Variants in WDR59 observed in about 807,000 individuals in gnomAD.
WDR59 encodes WD repeat domain 59.
In WDR59, 100 loss-of-function variants were observed where a neutral mutation model predicts 131.2. The observed-to-expected ratio is 0.76, with a 90% CI of 0.65 to 0.90. The LOEUF is 0.90. Among genes scored for constraint, WDR59 ranks in the 40% least tolerant of loss-of-function variants. The probability of loss-of-function intolerance (pLI) is 0.00; values close to 1 mark genes in which losing one functional copy is unlikely to be tolerated. For missense variants in WDR59, 1,203 were observed against 1,262.2 expected (o/e 0.95, Z 0.71); for synonymous variants, 601 against 466.2 (o/e 1.29, Z -3.72).
chr16:74,903,277 G>C (rs528934478), intron 18 of WDR59, among the ~76,000 whole-genome samples: 1 of 152,340 alleles, frequency 6.6e-6, no homozygotes, highest in South Asian at 2.1e-4. Flanking sequence ...ATGTCAGCTA[G>C]AAGTCTGTTT....
chr16:74,912,497 G>T, intron 13 of WDR59, 135 bp from the exon 14 acceptor site: 1 of 911,638 alleles, frequency 1.1e-6, no homozygotes, highest in Non-Finnish European at 1.5e-6. Flanking sequence ...AATGTGTGTG[G>T]AAGACAATTC....
At chr16:74,983,600 A>C (rs1182932041) in intron 1 of WDR59, among the ~76,000 whole-genome samples, 1 of 152,168 alleles carries the variant, frequency 6.6e-6, no homozygotes, top group African/African-American at 2.4e-5. Flanking sequence ...CCAATGAGCT[A>C]AACAAGGGCT....
chr16:74,946,188 C>A (rs2032625548), intron 6 of WDR59, among the ~76,000 whole-genome samples: 1 of 152,150 alleles, frequency 6.6e-6, no homozygotes, highest in Admixed American at 6.5e-5. Context: ...TGCTGTTAAT[C>A]ACTTACTGTG....
intron 17 of WDR59, chr16:74,908,668 G>T: frequency 2.5e-6 from 1 of 395,338 alleles, no homozygotes. Flanking sequence ...AATTTGCCTT[G>T]TTTTGACAAT....
intron 18 of WDR59, among the ~76,000 whole-genome samples, chr16:74,898,923 C>T (rs780560535): frequency 2.2e-4 from 34 of 152,128 alleles, no homozygotes; most frequent in Non-Finnish European, 4.4e-4. Context: ...ACTTGCTAAT[C>T]GGGGCTTCTG....
chr16:74,958,162 T>C (rs966441201), intron 2 of WDR59, among the ~76,000 whole-genome samples: 2 of 152,154 alleles, frequency 1.3e-5, no homozygotes, highest in African/African-American at 4.8e-5. Flanking sequence ...ACACGCCTGA[T>C]GGAACATAGG....
intron 25 of WDR59, among the ~76,000 whole-genome samples, chr16:74,878,146 T>C (rs1964305986): frequency 6.6e-6 from 1 of 152,186 alleles, no homozygotes; most frequent in Non-Finnish European, 1.5e-5. Context: ...TTAGCATTAT[T>C]GTAAGAGCTC....
At position 74,909,934 on chromosome 16, in the gene WDR59, A is replaced by T; in HGVS notation, c.1390-17T>A. The T allele has an allele frequency of 6.3e-7, 1 of 1,591,428 alleles. No individual in the cohort carries two copies. Among genetic ancestry groups the T allele is most frequent in the Non-Finnish European group, 8.5e-7 (1 of 1,171,478 alleles). On this transcript the variant is annotated splice_polypyrimidine_tract_variant and intron_variant, in intron 14 of 25. Transcript: ENST00000262144. ...CTTCAGGATCTAGAAAAGGCCCAAA[A>T]CACAGTCAAGAAGAGGAACACATTT...
intron 6 of WDR59, 68 bp from the exon 7 acceptor site, chr16:74,942,894 C>G (rs2032342058): frequency 7.0e-7 from 1 of 1,431,958 alleles, no homozygotes; most frequent in Non-Finnish European, 9.7e-7. Flanking sequence ...AGAGCACAGC[C>G]AGGGGAGCTG....
At chr16:74,946,514 G>C (rs1334569006) in intron 6 of WDR59, among the ~76,000 whole-genome samples, 1 of 152,098 alleles carries the variant, frequency 6.6e-6, no homozygotes, top group Non-Finnish European at 1.5e-5. Flanking sequence ...TTGAGGTCAG[G>C]AGCTCGAGAC....
intron 8 of WDR59, among the ~76,000 whole-genome samples, chr16:74,932,017 GAACT>G (rs2031434186): frequency 6.6e-6 from 1 of 151,196 alleles, no homozygotes; most frequent in Non-Finnish European, 1.5e-5. Flanking sequence ...TTAAGACCTT[GAACT>G]AATATTAATG....
rs776263967 is a variant in WDR59 at position 74,924,012 on chromosome 16, GAGCA to G, written c.652-13_652-10del. On this transcript the variant is annotated splice_polypyrimidine_tract_variant and intron_variant, in intron 8 of 25. Coordinates refer to ENST00000262144, the MANE Select transcript of WDR59 (RefSeq NM_030581.4). ...TGGCGGTAATCCCAGAACTAGAAGA[GAGCA>G]AGCAAGATCATTTGTGAAATAAATG... The G allele has an allele frequency of 6.2e-7, 1 of 1,612,610 alleles. No individual in the cohort carries two copies. Among genetic ancestry groups the G allele is most frequent in the Non-Finnish European group, 8.5e-7 (1 of 1,179,506 alleles).
Position 74,893,737 on chromosome 16 carries a change from T to A in WDR59, c.1942A>T (p.Ile648Phe), listed in dbSNP as rs775251469. Residue 648 changes from isoleucine to phenylalanine, a missense_variant, in exon 19 of 26, where the codon ATC becomes TTC. By Grantham distance (21) the Ile-to-Phe change is conservative. Coordinates refer to ENST00000262144, the MANE Select transcript of WDR59 (RefSeq NM_030581.4). ...AGGAGGCAAGCAATATCCTGGATGA[T>A]GACTTTCCCAGCAGCCTTGATCTGT... ...NRQIKAAGKVIIQDIACLLPV... is the reference protein window; with the variant it reads ...NRQIKAAGKVFIQDIACLLPV... 17 of 1,614,172 alleles carry A rather than the reference T, an allele frequency of 1.1e-5. No individual in the cohort carries two copies. The highest frequency in any genetic ancestry group is 1.4e-5 in the Non-Finnish European group (16 of 1,180,028).
chr16:74,905,046 C>T (rs1393696879), intron 17 of WDR59, among the ~76,000 whole-genome samples: 3 of 152,182 alleles, frequency 2.0e-5, no homozygotes, highest in African/African-American at 7.2e-5. Context: ...ATCTATAAAG[C>T]TTTCATTTTT....
At chr16:74,945,258 T>G (rs897323205) in intron 6 of WDR59, among the ~76,000 whole-genome samples, 2 of 151,830 alleles carry the variant, frequency 1.3e-5, no homozygotes, top group Non-Finnish European at 1.5e-5. Flanking sequence ...GGGTGGATCA[T>G]GAGGTCAGGA....
intron 1 of WDR59, among the ~76,000 whole-genome samples, chr16:74,977,993 A>C (rs988197216): frequency 6.6e-6 from 1 of 152,104 alleles, no homozygotes; most frequent in African/African-American, 2.4e-5. Flanking sequence ...GGGCTGTGTG[A>C]GGCCAGGAGT....
intron 1 of WDR59, among the ~76,000 whole-genome samples, chr16:74,984,172 G>C (rs1197085568): frequency 5.3e-5 from 8 of 152,132 alleles, no homozygotes; most frequent in African/African-American, 9.7e-5. Flanking sequence ...AGCTACTTGG[G>C]AGGCTGAGGC....
intron 8 of WDR59, among the ~76,000 whole-genome samples, chr16:74,934,132 T>G (rs1178593540): frequency 6.6e-6 from 1 of 152,156 alleles, no homozygotes; most frequent in East Asian, 1.9e-4. Flanking sequence ...TATTATCAAA[T>G]CCACAGTATG....
In WDR59 at chr16:74,912,051, A is replaced by C. The variant is rs1405749340; in HGVS notation, c.1389+147T>G. On this transcript the variant is annotated intron_variant, in intron 14 of 25. Transcript: ENST00000262144. Reference sequence around the variant, plus strand: ...TGTTTTCTGCACAAAGTAAATGGCAAGTTCAGAGGTTACGTTGCTAATACT... The same window carrying C: ...TGTTTTCTGCACAAAGTAAATGGCACGTTCAGAGGTTACGTTGCTAATACT... 4.7e-6 allele frequency: 5 copies of C among 1,064,234 alleles called. No individual in the cohort carries two copies. In the African/African-American group the frequency reaches 6.3e-5, roughly 13 times the overall value. 65.9% of individuals were successfully genotyped at this position (1,064,234 alleles called of 1,614,324 possible). A position where few individuals can be genotyped will look rare whatever the true frequency, so the allele number is the denominator to read the frequency against.
Sources: allele counts gnomAD v4.1 joint callset (sites outside exome capture counted in the v4.1 genomes callset), GRCh38; gene constraint gnomAD v4.1.1; transcripts MANE v1.5; gene names NCBI Gene and HGNC (gene_info 2026-07-23, HGNC 2026-07-21).